The following ARHGEF10L variants were observed in gnomAD, a reference collection of about 807,000 sequenced individuals.
ARHGEF10L encodes the protein Rho guanine nucleotide exchange factor 10 like.
In ARHGEF10L, 69 loss-of-function variants were observed where a neutral mutation model predicts 141.2. The observed-to-expected ratio is 0.49, with a 90% CI of 0.40 to 0.60. The LOEUF (loss-of-function observed/expected upper bound fraction) is 0.60. ARHGEF10L is among the 20% of genes least tolerant of loss of function. ARHGEF10L has a pLI of 0.00. For synonymous variants in ARHGEF10L, 711 were observed against 718.5 expected, an observed-to-expected ratio of 0.99 and a Z score of 0.17; for missense variants, 1,482 against 1,734.3, an observed-to-expected ratio of 0.85 and a Z score of 2.58.
At chr1:17,601,062 A>AAAAAAAC (rs1557788980) in intron 4 of ARHGEF10L, among the ~76,000 whole-genome samples, 2 of 147,878 alleles carry the variant, frequency 1.4e-5, no homozygotes, top group Non-Finnish European at 3.0e-5. Flanking sequence ...AAAAAAAAAA[A>AAAAAAAC]AAAAAACAAA....
At chr1:17,671,844 A>T (rs1414300932) in intron 26 of ARHGEF10L, among the ~76,000 whole-genome samples, 1 of 152,184 alleles carries the variant, frequency 6.6e-6, no homozygotes, top group Non-Finnish European at 1.5e-5. Flanking sequence ...TTACCATCCT[A>T]TCCCCATGGC....
At chr1:17,670,014 C>G (rs549917425) in intron 26 of ARHGEF10L, among the ~76,000 whole-genome samples, 1 of 152,240 alleles carries the variant, frequency 6.6e-6, no homozygotes, top group African/African-American at 2.4e-5. Context: ...CCAGGATCCC[C>G]GAGCTCGGCT....
chr1:17,518,184 T>C, the ARHGEF10L span, among the ~76,000 whole-genome samples: 2 of 152,244 alleles, frequency 1.3e-5, no homozygotes, highest in African/African-American at 4.8e-5. Context: ...ATGGGCTGGA[T>C]TTGGCCCATG....
In ARHGEF10L at chr1:17,658,621, C is replaced by T. The variant is rs558677901; in HGVS notation, c.2860+1913C>T. On this transcript the variant is annotated intron_variant, in intron 25 of 28. Coordinates refer to ENST00000361221, the MANE Select transcript of ARHGEF10L (RefSeq NM_018125.4). ...GCCTTGCAAACATGTGTGTACCAAA[C>T]GCTTACTGAGCACGTACTATATGCC... Among the ~76,000 whole-genome samples, 156 of 152,242 alleles carry T rather than the reference C, an allele frequency of 1.0e-3. 1 individual carries two copies. Among genetic ancestry groups the T allele is most frequent in the Admixed American group, 1.9e-3 (29 of 15,286 alleles).
intron 21 of ARHGEF10L, among the ~76,000 whole-genome samples, chr1:17,643,029 G>A (rs1448632306): frequency 6.6e-6 from 1 of 152,214 alleles, no homozygotes; most frequent in East Asian, 1.9e-4. Context: ...CAGCTTCACT[G>A]CAGCAAAAGT....
the ARHGEF10L span, among the ~76,000 whole-genome samples, chr1:17,527,948 A>G: frequency 6.7e-6 from 1 of 150,004 alleles, no homozygotes; most frequent in Non-Finnish European, 1.5e-5. Flanking sequence ...GGCTCACTGC[A>G]ACCTCCGCCT....
At chr1:17,574,051 G>A (rs1221519347) in intron 1 of ARHGEF10L, among the ~76,000 whole-genome samples, 1 of 152,174 alleles carries the variant, frequency 6.6e-6, no homozygotes, top group Non-Finnish European at 1.5e-5. Flanking sequence ...GCTGGGGTGT[G>A]TGGTCCCTTG....
chr1:17,619,289 G>A lies in ARHGEF10L; in HGVS notation c.836-50G>A. The A allele has an allele frequency of 6.4e-7, 1 of 1,553,598 alleles. No homozygotes were observed. The highest frequency in any genetic ancestry group is 2.3e-5 in the East Asian group (1 of 44,142). ...CTCTCAGCTCCTGAGGCCTGAGCAG[G>A]GTGTGCTGTCCCTGCCTTAGCTGTG... On this transcript the variant is annotated intron_variant, in intron 9 of 28. Transcript: ENST00000361221. The surrounding 1 kb of genome is among the most constrained non-coding windows in gnomAD (Gnocchi z 5.0).
rs114991436 is a variant in ARHGEF10L, at chr1:17,642,146, G to T, written c.2272+1844G>T. On this transcript the variant is annotated intron_variant, in intron 21 of 28. Transcript: ENST00000361221. ...CTCAAGGAACTTAGATTTATGAGGG[G>T]CAGGCAGGTGGACATTAAATGGGGA... Among the ~76,000 whole-genome samples the T allele has an allele frequency of 6.0e-3, 908 of 152,270 alleles. 11 individuals carry two copies. The highest frequency in any genetic ancestry group is 0.021 in the African/African-American group (871 of 41,564).
the ARHGEF10L span, among the ~76,000 whole-genome samples, chr1:17,522,714 T>G: frequency 3.1e-4 from 47 of 152,074 alleles, no homozygotes; most frequent in Non-Finnish European, 5.1e-4. Context: ...CCAGCAGGCC[T>G]TCTGGCTGGA....
chr1:17,528,786 T>C, the ARHGEF10L span, among the ~76,000 whole-genome samples: 1 of 152,202 alleles, frequency 6.6e-6, no homozygotes, highest in Non-Finnish European at 1.5e-5. Context: ...AGCACTATAG[T>C]ACTTGGTGCT....
intron 1 of ARHGEF10L, among the ~76,000 whole-genome samples, chr1:17,574,773 G>A (rs187612140): frequency 6.6e-6 from 1 of 152,348 alleles, no homozygotes; most frequent in Non-Finnish European, 1.5e-5. Flanking sequence ...GAGAAGAGCT[G>A]TGGGCATCTT....
chr1:17,517,955 G>A, the ARHGEF10L span, among the ~76,000 whole-genome samples: 15 of 152,146 alleles, frequency 9.9e-5, no homozygotes, highest in Non-Finnish European at 1.8e-4. Flanking sequence ...GAGCCACAGC[G>A]CCTGGCCCTC....
upstream of ARHGEF10L, among the ~76,000 whole-genome samples, chr1:17,537,038 T>TTTTTA (rs149201327): frequency 9.8e-4 from 145 of 147,798 alleles, no homozygotes; most frequent in Middle Eastern, 3.4e-3. Flanking sequence ...TCTGGCTAGA[T>TTTTTA]TTTTATTTTA....
At chr1:17,576,629 C>T (rs1570566507) in intron 1 of ARHGEF10L, among the ~76,000 whole-genome samples, 2 of 152,286 alleles carry the variant, frequency 1.3e-5, no homozygotes, top group East Asian at 3.9e-4. Flanking sequence ...TGGATAGGGT[C>T]CCCATGGTAA....
intron 1 of ARHGEF10L, among the ~76,000 whole-genome samples, chr1:17,575,151 G>T (rs2078170505): frequency 1.3e-5 from 2 of 152,166 alleles, no homozygotes; most frequent in Non-Finnish European, 2.9e-5. Context: ...GAAGCCCAGT[G>T]CCCCCAGAGA....
chr1:17,550,283 G>A (rs145381443), intron 1 of ARHGEF10L, among the ~76,000 whole-genome samples: 3 of 152,286 alleles, frequency 2.0e-5, no homozygotes, highest in African/African-American at 7.2e-5. Flanking sequence ...GGAGTGAGGA[G>A]CATGGCTTTT....
At chr1:17,602,310 T>C in intron 5 of ARHGEF10L, 92 bp downstream of exon 5, 1 of 1,395,152 alleles carries the variant, frequency 7.2e-7, no homozygotes, top group Non-Finnish European at 9.9e-7. Context: ...TGTGGGCTCC[T>C]GTGAGCCCAG....
In ARHGEF10L at chr1:17,615,877, G is replaced by T; in HGVS notation, c.727-217G>T. On this transcript the variant is annotated intron_variant, in intron 8 of 28. Transcript: ENST00000361221. This position sits in a 1 kb window ranked among gnomAD's most constrained non-coding sequence, Gnocchi z 4.7. ...AGTCTGTCCTGAAAGGAAAAAAATC[G>T]GTTACAGCCTCCTGTTGCCCCTAAA... 1.9e-6 allele frequency: 1 copy of T among 533,796 alleles called. No homozygotes were observed. 33.1% of individuals were successfully genotyped at this position (533,796 alleles called of 1,614,324 possible).
Sources: allele counts gnomAD v4.1 joint callset (sites outside exome capture counted in the v4.1 genomes callset), GRCh38; gene constraint gnomAD v4.1.1; non-coding constraint Gnocchi (gnomAD v3.1); transcripts MANE v1.5; gene names NCBI Gene and HGNC (gene_info 2026-07-23, HGNC 2026-07-21).